TRPA1: variants seen among roughly 807,000 people sequenced by gnomAD.
The protein encoded by TRPA1 is transient receptor potential cation channel subfamily A member 1.
A neutral mutation model predicts 131.3 loss-of-function variants in TRPA1; 129 were observed. The observed-to-expected ratio is 0.98, with a 90% confidence interval of 0.85 to 1.14. The LOEUF is 1.14. Among genes scored for constraint, TRPA1 ranks in the 50% most tolerant of loss-of-function variants. The pLI, the probability that TRPA1 is intolerant of heterozygous loss-of-function variation, is 0.00. For synonymous variants in TRPA1, 441 were observed against 451.7 expected (o/e 0.98, Z 0.30); for missense variants, 1,304 against 1,354.2 (o/e 0.96, Z 0.58).
In TRPA1 at chr8:72,055,685, C is replaced by T; in HGVS notation, c.1364+1G>A. On this transcript the variant is annotated splice_donor_variant, in intron 11 of 26. Transcript: ENST00000262209. LOFTEE classifies it high-confidence loss of function. ...TCATACATTGCTAGACTGACCCTTA[C>T]CTGGCTGCAAAATGCAGAGGTGATT... 2.5e-6 allele frequency: 4 copies of T among 1,613,618 alleles called. No homozygotes were observed. Among genetic ancestry groups the T allele is most frequent in the Non-Finnish European group, 3.4e-6 (4 of 1,179,692 alleles).
Position 72,033,822 on chromosome 8 carries a change from G to A in TRPA1, c.2690C>T (p.Pro897Leu), listed in dbSNP as rs1563383977. The change falls in exon 23 of 27, where the codon CCC becomes CTC. Residue 897 changes from proline (P) to leucine (L), a missense_variant. Transcript: ENST00000262209. ...TATAGAAAGCAATGGAGAGCTGAAG[G>A]GATCCTGAAAGCAGACGGTGAGGTA... ...SFYILLNLQDPFSSPLLSIIQ... is the reference protein window; with the variant it reads ...SFYILLNLQDLFSSPLLSIIQ... 1 of 1,613,870 alleles carries A rather than the reference G, an allele frequency of 6.2e-7. No individual in the cohort carries two copies. Among genetic ancestry groups the A allele is most frequent in the Non-Finnish European group, 8.5e-7 (1 of 1,179,888 alleles).
intron 15 of TRPA1, among the ~76,000 whole-genome samples, chr8:72,050,339 A>G (rs1805469517): frequency 6.6e-6 from 1 of 152,180 alleles, no homozygotes; most frequent in Non-Finnish European, 1.5e-5. Flanking sequence ...AGGCAGGCCC[A>G]GGTACAAGAT....
At position 72,033,693 on chromosome 8, in the gene TRPA1, T is replaced by G; in HGVS notation, c.2819A>C (p.Gln940Pro). The G allele has an allele frequency of 1.9e-6, 3 of 1,614,100 alleles. No homozygotes were observed. Among genetic ancestry groups the G allele is most frequent in the Non-Finnish European group, 2.5e-6 (3 of 1,179,992 alleles). Residue 940 changes from glutamine (Q) to proline (P), a missense_variant, in exon 23 of 27, where the codon CAA becomes CCA. Physicochemically the swap from Gln to Pro is moderately conservative, Grantham distance 76. Coordinates refer to ENST00000262209, the MANE Select transcript of TRPA1 (RefSeq NM_007332.3). ...GACAAATATTGTGAAGGAAACAAGT[T>G]GTGCAAAGGACAGAACTGGATGTGC... ...ELAHPVLSFA[Q>P]LVSFTIFVPI...
chr8:72,022,885 C>G lies in TRPA1; in HGVS notation c.*21G>C. 1 of 1,610,166 alleles carries G rather than the reference C, an allele frequency of 6.2e-7. No individual in the cohort carries two copies. Among genetic ancestry groups the G allele is most frequent in the Non-Finnish European group, 8.5e-7 (1 of 1,176,948 alleles). ...CAAGTCATGCACCCCCCATTAGAAGCCTCACTGAAGGTCTGAGGAGCTAAG... is the reference window on the plus strand; with the variant it reads ...CAAGTCATGCACCCCCCATTAGAAGGCTCACTGAAGGTCTGAGGAGCTAAG... On this transcript the variant is annotated 3_prime_UTR_variant, in exon 27 of 27. Transcript: ENST00000262209.
chr8:72,073,552 G>A (rs1292483735), intron 1 of TRPA1, among the ~76,000 whole-genome samples: 1 of 152,086 alleles, frequency 6.6e-6, no homozygotes, highest in Non-Finnish European at 1.5e-5. Flanking sequence ...AAAATGATAT[G>A]GAACTACTAC....
Position 72,034,386 on chromosome 8 carries a change from G to T in TRPA1, c.2556-9C>A. On this transcript the variant is annotated splice_polypyrimidine_tract_variant and intron_variant, in intron 21 of 26. Coordinates refer to ENST00000262209, the MANE Select transcript of TRPA1 (RefSeq NM_007332.3). ...TTCCACAATTTTCAAATCTAGAAAAGTAAAAAAAAAAAAATTTACTCACTT... is the reference window on the plus strand; with the variant it reads ...TTCCACAATTTTCAAATCTAGAAAATTAAAAAAAAAAAAATTTACTCACTT... 4 of 1,418,542 alleles carry T rather than the reference G, an allele frequency of 2.8e-6. No individual in the cohort carries two copies. Among genetic ancestry groups the T allele is most frequent in the Non-Finnish European group, 3.9e-6 (4 of 1,035,798 alleles). The allele number at this position is 1,418,542 out of a possible 1,614,324, so 87.9% of individuals were successfully genotyped here.
intron 2 of TRPA1, among the ~76,000 whole-genome samples, chr8:72,069,652 G>T (rs927821506): frequency 1.3e-5 from 2 of 151,954 alleles, no homozygotes; most frequent in African/African-American, 4.8e-5. Flanking sequence ...GAGGTTAAAA[G>T]TCTTGCCAAC....
At chr8:72,041,694 A>T (rs895740640) in intron 17 of TRPA1, among the ~76,000 whole-genome samples, 2 of 151,966 alleles carry the variant, frequency 1.3e-5, no homozygotes, top group Non-Finnish European at 1.5e-5. Context: ...ACCAAAATGC[A>T]TGAGGTACAA....
At chr8:72,084,698 C>T in the TRPA1 span, among the ~76,000 whole-genome samples, 1 of 132,374 alleles carries the variant, frequency 7.6e-6, no homozygotes. Context: ...GTTTCCCAGG[C>T]TGGAGTACAG....
At chr8:72,029,865 A>G (rs759619443) in intron 24 of TRPA1, 36 bp downstream of exon 24, 4 of 1,600,676 alleles carry the variant, frequency 2.5e-6, no homozygotes, top group South Asian at 1.1e-5. Context: ...TTACCAGAAG[A>G]TAACACTGTA....
At chr8:72,063,626 G>T in intron 4 of TRPA1, 55 bp from the exon 5 acceptor site, 1 of 1,209,614 alleles carries the variant, frequency 8.3e-7, no homozygotes, top group African/African-American at 1.5e-5. Context: ...AATCGCAAGG[G>T]TGGATGAGAA....
intron 15 of TRPA1, among the ~76,000 whole-genome samples, chr8:72,048,413 C>A (rs1380321449): frequency 1.3e-5 from 2 of 152,052 alleles, no homozygotes; most frequent in African/African-American, 4.8e-5. Flanking sequence ...TGGCTGGTCT[C>A]AGGTACCAAA....
chr8:72,063,480 T>A lies in TRPA1; in HGVS notation c.644A>T (p.Glu215Val). The A allele has an allele frequency of 6.2e-7, 1 of 1,612,476 alleles. No individual in the cohort carries two copies. Among genetic ancestry groups the A allele is most frequent in the Non-Finnish European group, 8.5e-7 (1 of 1,178,646 alleles). Residue 215 changes from glutamate to valine, a missense_variant, in exon 5 of 27, where the codon GAA becomes GTA. Physicochemically the swap from Glu to Val is moderately radical, Grantham distance 121 (BLOSUM62 -2). Coordinates refer to ENST00000262209, the MANE Select transcript of TRPA1 (RefSeq NM_007332.3). The part of the protein sequence containing the change: ...AAFSGSKECM[E>V]IILRFGEEHG... ...CAACTCACCAAACCTTAGTATTATT[T>A]CCATGCATTCTTTGGAACCTGAAAA... is the stretch of plus-strand genomic sequence containing the variant.
At chr8:72,029,670 G>A (rs1811736387) in intron 24 of TRPA1, 6 of 629,422 alleles carry the variant, frequency 9.5e-6, no homozygotes, top group South Asian at 9.3e-5. Context: ...TCTGTTCTGG[G>A]CTAGCAGTAT....
At chr8:72,085,186 T>C in the TRPA1 span, among the ~76,000 whole-genome samples, 1 of 152,242 alleles carries the variant, frequency 6.6e-6, no homozygotes, top group Non-Finnish European at 1.5e-5. Context: ...CTACACTTTT[T>C]AAAAATTTGT....
Position 72,069,191 on chromosome 8 carries a change from A to G in TRPA1, c.276T>C (p.His92=). 1.2e-6 allele frequency: 2 copies of G among 1,614,194 alleles called. No individual in the cohort carries two copies. The highest frequency in any genetic ancestry group is 1.7e-6 in the Non-Finnish European group (2 of 1,180,026). The stretch of plus-strand genomic sequence containing the variant: ...GGGTATTTCCATAATCATCCATTTC[A>G]TGCAGCACTAGAAAAAGAAACCAGA... The part of the protein sequence containing the change: ...ITRDSSLEVL[H]EMDDYGNTPL... Residue 92 remains histidine (H), a synonymous_variant, in exon 3 of 27, where the codon CAT becomes CAC. Transcript: ENST00000262209.
intron 3 of TRPA1, 33 bp from the exon 4 acceptor site, chr8:72,065,591 T>C: frequency 6.3e-7 from 1 of 1,585,220 alleles, no homozygotes; most frequent in Non-Finnish European, 8.7e-7. Flanking sequence ...GTCAAAATTT[T>C]TGCAGATTTC....
At chr8:72,052,994 T>TGTGATAGA (rs1491537785) in intron 13 of TRPA1, 2 of 331,368 alleles carry the variant, frequency 6.0e-6, no homozygotes, top group Non-Finnish European at 5.5e-6. Flanking sequence ...TGTGTGTGTG[T>TGTGATAGA]GAGAGATAGA....
chr8:72,031,590 A>G (rs1259216134), intron 23 of TRPA1, among the ~76,000 whole-genome samples: 1 of 144,294 alleles, frequency 6.9e-6, no homozygotes, highest in Non-Finnish European at 1.5e-5. Context: ...AAAAAACAAA[A>G]AAACAAAAAA....
Sources: allele counts gnomAD v4.1 joint callset (sites outside exome capture counted in the v4.1 genomes callset), GRCh38; gene constraint gnomAD v4.1.1; transcripts MANE v1.5; gene names NCBI Gene and HGNC (gene_info 2026-07-23, HGNC 2026-07-21).